Variants in CCDC102B observed in about 807,000 individuals in gnomAD.
The protein encoded by CCDC102B is coiled-coil domain containing 102B.
A neutral mutation model predicts 57.4 loss-of-function variants in CCDC102B; 75 were observed. That is an observed-to-expected ratio of 1.31 (90% CI 1.08 to 1.58). CCDC102B has a LOEUF of 1.58. Among genes scored for constraint, CCDC102B ranks in the 40% most tolerant of loss-of-function variants. CCDC102B has a pLI of 0.00. For missense variants in CCDC102B, 636 were observed against 582.6 expected (o/e 1.09, Z -0.94); for synonymous variants, 206 against 201.9 (o/e 1.02, Z -0.17).
intron 5 of CCDC102B, among the ~76,000 whole-genome samples, chr18:68,880,735 G>A (rs2039665312): frequency 6.6e-6 from 1 of 152,192 alleles, no homozygotes; most frequent in South Asian, 2.1e-4. Context: ...GAATATTTAA[G>A]CAGTGGAAAA....
intron 1 of CCDC102B, among the ~76,000 whole-genome samples, chr18:68,830,760 G>C (rs952266089): frequency 2.6e-5 from 4 of 151,770 alleles, no homozygotes; most frequent in Non-Finnish European, 5.9e-5. Context: ...TTTTAGAGCA[G>C]AGCTTTCTTG....
chr18:68,993,450 A>G (rs911370531), intron 6 of CCDC102B: 2 of 152,156 alleles, frequency 1.3e-5, no homozygotes, highest in Non-Finnish European at 1.5e-5. Flanking sequence ...CCTGCCTTCC[A>G]TTTCTTCCCT....
At position 68,808,730 on chromosome 18, in the gene CCDC102B, G is replaced by T. The variant is rs572246515; in HGVS notation, c.-16+10549G>T. On this transcript the variant is annotated intron_variant, in intron 1 of 7. Transcript: ENST00000360242. The stretch of plus-strand genomic sequence containing the variant: ...CCTGACCTCTTGATCCGCCCACCTT[G>T]GCCTCCCAAAGTGCCGGGATTACAG... Among the ~76,000 whole-genome samples the T allele has an allele frequency of 2.0e-5, 3 of 152,102 alleles. No homozygotes were observed. In the East Asian group the frequency reaches 5.8e-4, roughly 29 times the overall value.
At position 69,055,110 on chromosome 18, in the gene CCDC102B, T is replaced by A; in HGVS notation, c.*973T>A. The A allele has an allele frequency of 1.0e-6, 1 of 983,782 alleles. No individual in the cohort carries two copies. The highest frequency in any genetic ancestry group is 1.2e-6 in the Non-Finnish European group (1 of 828,494). 60.9% of individuals were successfully genotyped at this position (983,782 alleles called of 1,614,324 possible). ...GTCAATAACATACTGGTTTTACTCA[T>A]CTCCCCCTCCATTGATTAGCCAAAA... On this transcript the variant is annotated 3_prime_UTR_variant, in exon 8 of 8. Coordinates refer to ENST00000360242, the MANE Select transcript of CCDC102B (RefSeq NM_024781.3).
At chr18:68,750,376 A>T in intron 2 of CCDC102B, among the ~76,000 whole-genome samples, 1 of 152,206 alleles carries the variant, frequency 6.6e-6, no homozygotes, top group Non-Finnish European at 1.5e-5. Context: ...ATTGTAGAAG[A>T]CAGTGTGGCG....
intron 2 of CCDC102B, among the ~76,000 whole-genome samples, chr18:68,728,912 T>A (rs2145198730): frequency 6.6e-6 from 1 of 152,072 alleles, no homozygotes; most frequent in Non-Finnish European, 1.5e-5. Context: ...TTGTTATTAA[T>A]CATGGATAAG....
At chr18:68,996,061 T>C (rs137868258) in intron 6 of CCDC102B, among the ~76,000 whole-genome samples, 110 of 152,316 alleles carry the variant, frequency 7.2e-4, no homozygotes, top group African/African-American at 2.6e-3. Flanking sequence ...GTCAACTTGA[T>C]TAGACTGAAA....
intron 5 of CCDC102B, among the ~76,000 whole-genome samples, chr18:68,886,529 A>G (rs537541461): frequency 2.0e-5 from 3 of 152,254 alleles, no homozygotes; most frequent in African/African-American, 7.2e-5. Flanking sequence ...AGAAACCTAA[A>G]TTCTTTTTTA....
chr18:68,748,041 C>T (rs544775489), intron 2 of CCDC102B, among the ~76,000 whole-genome samples: 2 of 152,106 alleles, frequency 1.3e-5, no homozygotes, highest in African/African-American at 4.8e-5. Flanking sequence ...ATCTTTTCTG[C>T]TTTTGGTAAT....
intron 6 of CCDC102B, among the ~76,000 whole-genome samples, chr18:68,997,026 G>T (rs573964488): frequency 6.6e-6 from 1 of 152,196 alleles, no homozygotes; most frequent in South Asian, 2.1e-4. Context: ...TTGTCACCAG[G>T]TCTGATGGTT....
chr18:68,898,341 C>T (rs1257130109), intron 6 of CCDC102B, among the ~76,000 whole-genome samples: 1 of 152,008 alleles, frequency 6.6e-6, no homozygotes, highest in Admixed American at 6.6e-5. Context: ...ATTATTTCAT[C>T]ATTCTTTCAT....
chr18:69,023,240 C>T (rs987306276), intron 7 of CCDC102B, among the ~76,000 whole-genome samples: 2 of 151,990 alleles, frequency 1.3e-5, no homozygotes, highest in African/African-American at 4.8e-5. Flanking sequence ...ACACTTTTCT[C>T]ATGTGTAAAG....
intron 6 of CCDC102B, 126 bp downstream of exon 6, chr18:68,897,554 A>C: frequency 6.4e-7 from 1 of 1,558,882 alleles, no homozygotes; most frequent in South Asian, 1.1e-5. Context: ...AATACCTGAT[A>C]CTCCTTGCTC....
At chr18:68,892,595 G>T (rs976057240) in intron 5 of CCDC102B, among the ~76,000 whole-genome samples, 1 of 152,070 alleles carries the variant, frequency 6.6e-6, no homozygotes, top group African/African-American at 2.4e-5. Context: ...TTTGGAGGTT[G>T]GCTTGAGAGA....
chr18:68,796,394 T>C (rs1412404899), upstream of CCDC102B, among the ~76,000 whole-genome samples: 1 of 152,150 alleles, frequency 6.6e-6, no homozygotes, highest in Non-Finnish European at 1.5e-5. Flanking sequence ...GGAGAGATGA[T>C]GATTTCAGTT....
At chr18:68,835,961 C>T (rs2037348765) in intron 1 of CCDC102B, among the ~76,000 whole-genome samples, 1 of 152,142 alleles carries the variant, frequency 6.6e-6, no homozygotes, top group African/African-American at 2.4e-5. Flanking sequence ...AGATGAAGGG[C>T]ATCATGGAAA....
rs568553884 is a variant in CCDC102B at position 68,745,675 on chromosome 18, A to G, written c.-67+29081A>G. Among the ~76,000 whole-genome samples, 6 of 152,254 alleles carry G rather than the reference A, an allele frequency of 3.9e-5. No homozygotes were observed. The South Asian group carries it at 1.0e-3, about 26-fold the overall frequency. ...ATCACCCTACTGTGCCATCAAACAC[A>G]AGAACTTATTTCTTCTATCTAATTG... is the stretch of plus-strand genomic sequence containing the variant. On this transcript the variant is annotated intron_variant, in intron 2 of 3. Coordinates refer to the CCDC102B transcript ENST00000578970.
At chr18:68,752,052 G>A (rs2033872712) in intron 2 of CCDC102B, among the ~76,000 whole-genome samples, 1 of 152,086 alleles carries the variant, frequency 6.6e-6, no homozygotes, top group Admixed American at 6.5e-5. Flanking sequence ...ACGAGGTCAG[G>A]AGTTTGAGAC....
chr18:68,816,876 G>T (rs1164627080), intron 1 of CCDC102B, among the ~76,000 whole-genome samples: 1 of 152,124 alleles, frequency 6.6e-6, no homozygotes, highest in Admixed American at 6.5e-5. Context: ...ATAGGGTAAT[G>T]ATCAGTTGGT....
Sources: allele counts gnomAD v4.1 joint callset (sites outside exome capture counted in the v4.1 genomes callset), GRCh38; gene constraint gnomAD v4.1.1; transcripts MANE v1.5; gene names NCBI Gene and HGNC (gene_info 2026-07-23, HGNC 2026-07-21).